The following ZNF385B variants were observed in gnomAD, a reference collection of about 807,000 sequenced individuals.
The protein encoded by ZNF385B is zinc finger protein 385B.
Under a neutral mutation model 39.2 loss-of-function variants are expected in ZNF385B, and 23 were observed. That is an observed-to-expected ratio of 0.59 (90% CI 0.42 to 0.83). The LOEUF (loss-of-function observed/expected upper bound fraction) is 0.83. Ranked by LOEUF, ZNF385B falls within the 40% of genes least tolerant of loss-of-function variation. The pLI is 0.00. For synonymous variants in ZNF385B, 205 were observed against 222.6 expected (o/e 0.92, Z 0.70); for missense variants, 552 against 598.9 (o/e 0.92, Z 0.82).
chr2:179,739,039 C>A (rs533960731), intron 3 of ZNF385B, among the ~76,000 whole-genome samples: 519 of 152,256 alleles, frequency 3.4e-3, no homozygotes, highest in South Asian at 7.7e-3. Context: ...TGGATTCCAC[C>A]ACCACTGCAA....
At chr2:179,774,219 C>T (rs1006073029) in intron 1 of ZNF385B, among the ~76,000 whole-genome samples, 2 of 149,888 alleles carry the variant, frequency 1.3e-5, no homozygotes, top group East Asian at 1.9e-4. Context: ...GTGGGATGTA[C>T]GGGGAGTGTA....
At chr2:179,571,164 C>G (rs1321918805) in intron 3 of ZNF385B, among the ~76,000 whole-genome samples, 1 of 152,142 alleles carries the variant, frequency 6.6e-6, no homozygotes, top group African/African-American at 2.4e-5. Flanking sequence ...TGAAAGAATT[C>G]CAGAAAGTCC....
chr2:179,448,366 C>T (rs1460090443), intron 6 of ZNF385B, among the ~76,000 whole-genome samples: 1 of 152,024 alleles, frequency 6.6e-6, no homozygotes, highest in African/African-American at 2.4e-5. Flanking sequence ...ATTCAGTAAT[C>T]TTAATATTTG....
At chr2:179,575,326 G>A (rs556121661) in intron 3 of ZNF385B, among the ~76,000 whole-genome samples, 2 of 152,160 alleles carry the variant, frequency 1.3e-5, no homozygotes, top group South Asian at 2.1e-4. Flanking sequence ...ACAAGATTTC[G>A]TACAAATCTT....
At chr2:179,472,974 T>G (rs530683328) in intron 6 of ZNF385B, among the ~76,000 whole-genome samples, 1 of 152,318 alleles carries the variant, frequency 6.6e-6, no homozygotes, top group Admixed American at 6.5e-5. Context: ...AGTGTCTTCT[T>G]CCTCTGTCCA....
chr2:179,725,930 A>ATG (rs1700988425), intron 3 of ZNF385B, among the ~76,000 whole-genome samples: 1 of 140,840 alleles, frequency 7.1e-6, no homozygotes, highest in South Asian at 2.1e-4. Flanking sequence ...ATATATATAT[A>ATG]TATGTGTATA....
intron 3 of ZNF385B, among the ~76,000 whole-genome samples, chr2:179,708,154 C>G (rs1699752997): frequency 6.6e-6 from 1 of 152,232 alleles, no homozygotes; most frequent in South Asian, 2.1e-4. Context: ...AATCTCATCT[C>G]AAACTGTAAC....
chr2:179,577,419 C>T (rs1286889037), intron 3 of ZNF385B, among the ~76,000 whole-genome samples: 1 of 151,982 alleles, frequency 6.6e-6, no homozygotes, highest in Non-Finnish European at 1.5e-5. Context: ...ATAGTGTATG[C>T]CAAAAAGTAT....
At chr2:179,620,215 A>G (rs574167241) in intron 3 of ZNF385B, among the ~76,000 whole-genome samples, 1 of 152,166 alleles carries the variant, frequency 6.6e-6, no homozygotes, top group Non-Finnish European at 1.5e-5. Flanking sequence ...CTGTTCATCT[A>G]GCTGATTGAG....
chr2:179,485,509 G>C (rs551885460), intron 5 of ZNF385B, among the ~76,000 whole-genome samples: 1 of 152,036 alleles, frequency 6.6e-6, no homozygotes, highest in Non-Finnish European at 1.5e-5. Context: ...GTGATGGTGA[G>C]CACCACTTCA....
chr2:179,452,773 T>C (rs2050284514), intron 6 of ZNF385B, among the ~76,000 whole-genome samples: 1 of 152,184 alleles, frequency 6.6e-6, no homozygotes, highest in Non-Finnish European at 1.5e-5. Context: ...CTCATGATTC[T>C]ATCATCTAGA....
intron 3 of ZNF385B, among the ~76,000 whole-genome samples, chr2:179,573,856 A>G (rs1004907686): frequency 6.6e-6 from 1 of 152,134 alleles, no homozygotes; most frequent in African/African-American, 2.4e-5. Flanking sequence ...TTTTTTTTAC[A>G]TTTCAGTCTC....
intron 3 of ZNF385B, among the ~76,000 whole-genome samples, chr2:179,692,734 T>G (rs1575248792): frequency 1.3e-5 from 2 of 152,290 alleles, no homozygotes; most frequent in East Asian, 3.9e-4. Flanking sequence ...AGAGACCATC[T>G]CTCAAAAGAA....
intron 3 of ZNF385B, among the ~76,000 whole-genome samples, chr2:179,664,978 C>T (rs1261163603): frequency 2.0e-5 from 3 of 152,064 alleles, no homozygotes; most frequent in Admixed American, 6.6e-5. Context: ...AAATTTTAAA[C>T]AGTTTATAAA....
At chr2:179,463,139 T>A (rs760494262) in intron 6 of ZNF385B, among the ~76,000 whole-genome samples, 6 of 152,006 alleles carry the variant, frequency 3.9e-5, no homozygotes, top group Non-Finnish European at 8.8e-5. Flanking sequence ...GTATAGTCCA[T>A]GCAGATAAAA....
intron 1 of ZNF385B, among the ~76,000 whole-genome samples, chr2:179,796,940 T>C (rs569785742): frequency 2.6e-5 from 4 of 152,212 alleles, no homozygotes; most frequent in African/African-American, 9.6e-5. Context: ...TTCACAGGAT[T>C]CTGGTAAATT....
chr2:179,834,124 A>G (rs909394971), intron 1 of ZNF385B, among the ~76,000 whole-genome samples: 1 of 152,174 alleles, frequency 6.6e-6, no homozygotes, highest in Non-Finnish European at 1.5e-5. Flanking sequence ...GGTGTCAGTA[A>G]GTACTCATAA....
intron 3 of ZNF385B, among the ~76,000 whole-genome samples, chr2:179,624,921 G>T (rs1254488721): frequency 6.6e-6 from 1 of 151,946 alleles, no homozygotes. Flanking sequence ...TTCTGGTTGT[G>T]ATAGGTGGTA....
chr2:179,681,264 ATGT>A (rs1697490506), intron 3 of ZNF385B, among the ~76,000 whole-genome samples: 1 of 152,064 alleles, frequency 6.6e-6, no homozygotes, highest in South Asian at 2.1e-4. Context: ...TACATGAACA[ATGT>A]TTCATATTTT....
Sources: allele counts gnomAD v4.1 joint callset (sites outside exome capture counted in the v4.1 genomes callset), GRCh38; gene constraint gnomAD v4.1.1; transcripts MANE v1.5; gene names NCBI Gene and HGNC (gene_info 2026-07-23, HGNC 2026-07-21).